Variants in FSTL4 observed in about 807,000 individuals in gnomAD.
The protein encoded by FSTL4 is follistatin like 4.
Under a neutral mutation model 78.2 loss-of-function variants are expected in FSTL4, and 28 were observed. That is an observed-to-expected ratio of 0.36 (90% CI 0.27 to 0.49). The LOEUF is 0.49. FSTL4 is among the 20% of genes least tolerant of loss of function. FSTL4 has a pLI of 0.98. For missense variants in FSTL4, 922 were observed against 1,084.9 expected, an observed-to-expected ratio of 0.85 and a Z score of 2.11; for synonymous variants, 422 against 440.5, an observed-to-expected ratio of 0.96 and a Z score of 0.53.
chr5:133,224,096 T>C (rs1751248251), intron 11 of FSTL4, 94 bp downstream of exon 11: 28 of 957,634 alleles, frequency 2.9e-5, no homozygotes, highest in Non-Finnish European at 4.5e-5. Context: ...CTGCTTTGTG[T>C]GGGAAAGCTG....
intron 3 of FSTL4, among the ~76,000 whole-genome samples, chr5:133,409,026 G>A (rs1439808456): frequency 4.6e-5 from 7 of 152,170 alleles, no homozygotes; most frequent in Admixed American, 6.5e-5. Flanking sequence ...AGTATTGAAT[G>A]GTTTTTAAAA....
intron 3 of FSTL4, among the ~76,000 whole-genome samples, chr5:133,551,606 A>G (rs1262027694): frequency 6.6e-6 from 1 of 152,250 alleles, no homozygotes; most frequent in Non-Finnish European, 1.5e-5. Context: ...AAATCAGCTC[A>G]GAGAACACAC....
At chr5:133,628,738 G>A in the FSTL4 span, among the ~76,000 whole-genome samples, 5,969 of 151,768 alleles carry the variant, frequency 0.039, 196 homozygotes, top group African/African-American at 0.094. Flanking sequence ...AAAGAGAGAA[G>A]AATCCAATAG....
At chr5:133,417,537 A>C (rs1277509103) in intron 3 of FSTL4, among the ~76,000 whole-genome samples, 2 of 152,236 alleles carry the variant, frequency 1.3e-5, no homozygotes, top group African/African-American at 2.4e-5. Flanking sequence ...GGAATCCTCA[A>C]GCAAAATAAA....
chr5:133,712,566 C>G, the FSTL4 span, among the ~76,000 whole-genome samples: 106 of 152,316 alleles, frequency 7.0e-4, no homozygotes, highest in African/African-American at 2.4e-3. Context: ...TGAGTTAACA[C>G]GGGTAACCCC....
At chr5:133,621,326 G>A in the FSTL4 span, among the ~76,000 whole-genome samples, 4 of 152,188 alleles carry the variant, frequency 2.6e-5, no homozygotes, top group Admixed American at 2.0e-4. Context: ...CGTGAACCCG[G>A]GAGGTGGAGC....
chr5:133,692,261 G>A, the FSTL4 span, among the ~76,000 whole-genome samples: 5 of 152,138 alleles, frequency 3.3e-5, no homozygotes, highest in African/African-American at 9.7e-5. Context: ...GCACATTCAC[G>A]CCCCCAAGAT....
Position 133,242,904 on chromosome 5 carries a change from A to G in FSTL4, c.894+6506T>C, listed in dbSNP as rs530184821. On this transcript the variant is annotated intron_variant, in intron 7 of 15. Transcript: ENST00000265342. ...TCTATCGTGGTGCAAACAGCTCTCC[A>G]TGCTAATCAAACGCCTCTCATCTTT... Among the ~76,000 whole-genome samples the G allele has an allele frequency of 2.6e-5, 4 of 152,348 alleles. No individual in the cohort carries two copies. In the South Asian group the frequency reaches 8.3e-4, roughly 32 times the overall value.
At chr5:133,785,090 G>C in the FSTL4 span, among the ~76,000 whole-genome samples, 4 of 152,256 alleles carry the variant, frequency 2.6e-5, no homozygotes, top group East Asian at 7.7e-4. Flanking sequence ...ACTCCCGACA[G>C]GGCACACCCA....
chr5:133,787,153 T>C, the FSTL4 span, among the ~76,000 whole-genome samples: 24,574 of 152,170 alleles, frequency 0.16, 2,072 homozygotes, highest in East Asian at 0.32. Context: ...CCAGATTTCA[T>C]TAAAAACAAA....
At chr5:133,527,943 C>T (rs980899953) in intron 3 of FSTL4, among the ~76,000 whole-genome samples, 2 of 152,212 alleles carry the variant, frequency 1.3e-5, no homozygotes, top group African/African-American at 4.8e-5. Context: ...GTTATTAAGA[C>T]ACAAATCTTA....
intron 3 of FSTL4, among the ~76,000 whole-genome samples, chr5:133,535,374 G>A (rs541571302): frequency 6.6e-6 from 1 of 152,362 alleles, no homozygotes; most frequent in East Asian, 1.9e-4. Context: ...AAGGGAATGA[G>A]GGCAAGGAAC....
chr5:133,233,061 C>T (rs1751541515), intron 8 of FSTL4, among the ~76,000 whole-genome samples: 1 of 152,218 alleles, frequency 6.6e-6, no homozygotes, highest in South Asian at 2.1e-4. Context: ...AGTTTCTGCT[C>T]GCACTAGACC....
At chr5:133,560,266 C>T (rs891629816) in intron 3 of FSTL4, among the ~76,000 whole-genome samples, 6 of 152,254 alleles carry the variant, frequency 3.9e-5, no homozygotes, top group African/African-American at 1.4e-4. Flanking sequence ...CTGCTGCCTC[C>T]AATCCCTGGA....
At chr5:133,229,642 A>G (rs1267785787) in intron 8 of FSTL4, among the ~76,000 whole-genome samples, 3 of 152,226 alleles carry the variant, frequency 2.0e-5, no homozygotes, top group African/African-American at 7.2e-5. Context: ...TTGCTATATC[A>G]GATATTACAA....
intron 6 of FSTL4, among the ~76,000 whole-genome samples, chr5:133,296,602 C>CA (rs1376200623): frequency 6.6e-6 from 1 of 152,190 alleles, no homozygotes; most frequent in Admixed American, 6.5e-5. Context: ...CGAGTGCCCT[C>CA]ACCCCTTCAA....
chr5:133,477,139 T>G (rs896561291), intron 3 of FSTL4, among the ~76,000 whole-genome samples: 1 of 152,178 alleles, frequency 6.6e-6, no homozygotes, highest in Non-Finnish European at 1.5e-5. Flanking sequence ...GGTTTAAAAT[T>G]TGGTTTAAAA....
the FSTL4 span, among the ~76,000 whole-genome samples, chr5:133,742,664 G>A: frequency 6.6e-6 from 1 of 152,166 alleles, no homozygotes; most frequent in Admixed American, 6.5e-5. Context: ...AAAGGACACC[G>A]TGGCAAAACC....
chr5:133,388,201 G>T (rs758464466), intron 4 of FSTL4, among the ~76,000 whole-genome samples: 2 of 152,162 alleles, frequency 1.3e-5, no homozygotes, highest in Non-Finnish European at 2.9e-5. Context: ...GTTCCTCTTT[G>T]TCAGATTCTC....
Sources: allele counts gnomAD v4.1 joint callset (sites outside exome capture counted in the v4.1 genomes callset), GRCh38; gene constraint gnomAD v4.1.1; transcripts MANE v1.5; gene names NCBI Gene and HGNC (gene_info 2026-07-23, HGNC 2026-07-21).